The following SLAIN2 variants were observed in gnomAD, a reference collection of about 807,000 sequenced individuals.
SLAIN2 encodes the protein SLAIN family member 2.
SLAIN2 carries 31 observed loss-of-function variants against 56.6 expected under a neutral mutation model. That is an observed-to-expected ratio of 0.55 (90% CI 0.41 to 0.74). SLAIN2 has a LOEUF of 0.74. SLAIN2 is among the 30% of genes least tolerant of loss of function. The pLI is 0.00. For missense variants in SLAIN2, 777 were observed against 754.2 expected (o/e 1.03, Z -0.35); for synonymous variants, 317 against 284.9 (o/e 1.11, Z -1.13).
intron 6 of SLAIN2, among the ~76,000 whole-genome samples, chr4:48,393,781 A>G (rs80301563): frequency 0.021 from 3,164 of 152,154 alleles, 116 homozygotes; most frequent in African/African-American, 0.072. Context: ...TAGTAACTGT[A>G]TATTGGGGAA....
chr4:48,406,480 T>C (rs1022347990), intron 6 of SLAIN2, among the ~76,000 whole-genome samples: 19 of 152,008 alleles, frequency 1.2e-4, no homozygotes, highest in African/African-American at 4.6e-4. Context: ...ATACAATATG[T>C]TTACTGAAAA....
chr4:48,342,138 A>T lies in SLAIN2; in HGVS notation c.389+10A>T, dbSNP rs756298759. The T allele has an allele frequency of 1.1e-5, 15 of 1,339,344 alleles. No homozygotes were observed. In the Admixed American group the frequency reaches 5.8e-4, roughly 52 times the overall value. 83.0% of individuals were successfully genotyped at this position (1,339,344 alleles called of 1,614,324 possible). A position where few individuals can be genotyped will look rare whatever the true frequency, so the allele number is the denominator to read the frequency against. On this transcript the variant is annotated intron_variant, in intron 1 of 7. Transcript: ENST00000264313. Reference sequence around the variant, plus strand: ...AGGAGGAGGAGAGCTGGTGAGCGCGAGGCGCCGGGCAGGAGCTGGGCGGGG... The same window carrying T: ...AGGAGGAGGAGAGCTGGTGAGCGCGTGGCGCCGGGCAGGAGCTGGGCGGGG...
At chr4:48,370,211 C>T (rs1343733486) in intron 2 of SLAIN2, among the ~76,000 whole-genome samples, 2 of 152,292 alleles carry the variant, frequency 1.3e-5, no homozygotes, top group East Asian at 1.9e-4. Flanking sequence ...TATTTAGCCT[C>T]ATCCTAAAGA....
intron 6 of SLAIN2, among the ~76,000 whole-genome samples, chr4:48,398,813 A>T (rs546577584): frequency 1.3e-5 from 2 of 152,190 alleles, no homozygotes; most frequent in African/African-American, 4.8e-5. Context: ...GTAGATGTGC[A>T]GTCTTATTTC....
At chr4:48,392,465 A>G (rs917692118) in intron 6 of SLAIN2, among the ~76,000 whole-genome samples, 1 of 152,070 alleles carries the variant, frequency 6.6e-6, no homozygotes, top group Non-Finnish European at 1.5e-5. Context: ...ACTTTTTTTT[A>G]ATGGTTAACA....
intron 1 of SLAIN2, among the ~76,000 whole-genome samples, chr4:48,342,837 T>C (rs959167653): frequency 6.7e-6 from 1 of 150,222 alleles, no homozygotes; most frequent in East Asian, 2.0e-4. Context: ...TTGACAGTTA[T>C]CACATCCATC....
chr4:48,403,503 T>A (rs1229780076), intron 6 of SLAIN2, among the ~76,000 whole-genome samples: 1 of 152,158 alleles, frequency 6.6e-6, no homozygotes, highest in Non-Finnish European at 1.5e-5. Context: ...GCAGCTGTGC[T>A]GCATTGTGGG....
intron 6 of SLAIN2, among the ~76,000 whole-genome samples, chr4:48,397,428 CTT>C (rs1189477026): frequency 7.2e-5 from 11 of 152,146 alleles, no homozygotes; most frequent in African/African-American, 2.7e-4. Context: ...GTTTAATACT[CTT>C]TTCACTATAT....
chr4:48,359,347 C>T (rs927208988), intron 1 of SLAIN2, among the ~76,000 whole-genome samples: 1 of 152,042 alleles, frequency 6.6e-6, no homozygotes, highest in African/African-American at 2.4e-5. Flanking sequence ...AAAAAATTTG[C>T]ATCTAAAGAA....
chr4:48,412,200 C>G (rs1716874175), intron 6 of SLAIN2, among the ~76,000 whole-genome samples: 1 of 152,104 alleles, frequency 6.6e-6, no homozygotes, highest in East Asian at 1.9e-4. Context: ...TTTATATATA[C>G]TGTGTACTAA....
At chr4:48,357,678 C>T (rs555102033) in intron 1 of SLAIN2, among the ~76,000 whole-genome samples, 2 of 152,322 alleles carry the variant, frequency 1.3e-5, no homozygotes, top group South Asian at 4.1e-4. Flanking sequence ...GCCTCAGCCA[C>T]CTGAGTAGCT....
At position 48,408,687 on chromosome 4, in the gene SLAIN2, T is replaced by A. The variant is rs143323574; in HGVS notation, c.1361-11438T>A. On this transcript the variant is annotated intron_variant, in intron 6 of 7. Coordinates refer to ENST00000264313, the MANE Select transcript of SLAIN2 (RefSeq NM_020846.2). ...TGTTATTACAAAAGAGTCACGTTTT[T>A]AAGTTAAAGCTTATAAACTAAAATA... Among the ~76,000 whole-genome samples the A allele has an allele frequency of 2.4e-3, 360 of 152,160 alleles. 3 individuals carry two copies. Among genetic ancestry groups the A allele is most frequent in the African/African-American group, 8.3e-3 (346 of 41,542 alleles).
rs1717193608 is a variant in SLAIN2, at chr4:48,422,763, C to T, written c.*686C>T. On this transcript the variant is annotated 3_prime_UTR_variant, in exon 8 of 8. Coordinates refer to ENST00000264313, the MANE Select transcript of SLAIN2 (RefSeq NM_020846.2). ...ACCAGATAGTGTTACAGCATGTATC[C>T]ATCATGTTGCATTGACACATCAAAC... The T allele has an allele frequency of 6.6e-6, 1 of 152,186 alleles. No individual in the cohort carries two copies. Among genetic ancestry groups the T allele is most frequent in the African/African-American group, 2.4e-5 (1 of 41,448 alleles). The allele number at this position is 152,186 out of a possible 1,614,324, so 9.4% of individuals were successfully genotyped here.
rs758188034 is a variant in SLAIN2, at chr4:48,394,517, C to T, written c.1360+10733C>T. 164 of 1,292,982 alleles carry T rather than the reference C, an allele frequency of 1.3e-4. 2 individuals are homozygous for T. Among genetic ancestry groups the T allele is most frequent in the South Asian group, 5.4e-4 (42 of 77,602 alleles). 80.1% of individuals were successfully genotyped at this position (1,292,982 alleles called of 1,614,324 possible). On this transcript the variant is annotated intron_variant, in intron 6 of 7. Coordinates refer to ENST00000264313, the MANE Select transcript of SLAIN2 (RefSeq NM_020846.2). ...GTATTAAAACATTCAAGTTTACAGA[C>T]GCTGTAGCCTTTGTCTTGTACTTCC...
intron 6 of SLAIN2, among the ~76,000 whole-genome samples, chr4:48,388,356 G>C (rs1716152383): frequency 6.6e-6 from 1 of 152,258 alleles, no homozygotes; most frequent in South Asian, 2.1e-4. Context: ...AAAGGCTAAT[G>C]CCTTGCTTTC....
chr4:48,408,752 A>G (rs148225681), intron 6 of SLAIN2, among the ~76,000 whole-genome samples: 3 of 152,252 alleles, frequency 2.0e-5, no homozygotes, highest in Non-Finnish European at 4.4e-5. Context: ...TTGAAGAAAA[A>G]TAAATTTAGT....
At chr4:48,357,517 G>A (rs1420993975) in intron 1 of SLAIN2, among the ~76,000 whole-genome samples, 5 of 150,656 alleles carry the variant, frequency 3.3e-5, no homozygotes, top group Admixed American at 1.3e-4. Flanking sequence ...AAGTAGCTGG[G>A]ACTATAGGCA....
chr4:48,389,729 T>C (rs1716187232), intron 6 of SLAIN2, among the ~76,000 whole-genome samples: 1 of 152,220 alleles, frequency 6.6e-6, no homozygotes, highest in Non-Finnish European at 1.5e-5. Context: ...AGCCTGAGTA[T>C]AGTGGTTTTG....
chr4:48,400,401 T>C (rs1158949088), intron 6 of SLAIN2, among the ~76,000 whole-genome samples: 1 of 125,986 alleles, frequency 7.9e-6, no homozygotes. Context: ...TTTTTTTTTT[T>C]TTTTTTTTTT....
Sources: gnomAD v4.1 joint callset for allele counts (sites outside exome capture counted in the v4.1 genomes callset) on GRCh38, gnomAD v4.1.1 for gene constraint, MANE v1.5 for transcripts, NCBI Gene and HGNC (gene_info 2026-07-23, HGNC 2026-07-21) for gene names.